Variants in DOCK1 observed in about 807,000 individuals in gnomAD.
DOCK1 encodes the protein dedicator of cytokinesis 1.
A neutral mutation model predicts 262.7 loss-of-function variants in DOCK1; 138 were observed. The ratio of observed to expected loss-of-function variants is 0.53; its 90% CI spans 0.46 to 0.61. The LOEUF is 0.61. DOCK1 is among the 20% of genes least tolerant of loss of function. The pLI is 0.00. For missense variants in DOCK1, 1,908 were observed against 2,370.7 expected, an observed-to-expected ratio of 0.80 and a Z score of 4.05; for synonymous variants, 866 against 867.4, an observed-to-expected ratio of 1.00 and a Z score of 0.03.
intron 27 of DOCK1, among the ~76,000 whole-genome samples, chr10:127,140,900 T>C (rs2051176103): frequency 6.6e-6 from 1 of 152,182 alleles, no homozygotes; most frequent in Admixed American, 6.5e-5. Flanking sequence ...CCCTCTGTAT[T>C]TGAGACAGCG....
chr10:127,364,390 C>T (rs554728669), intron 33 of DOCK1, among the ~76,000 whole-genome samples: 13 of 152,016 alleles, frequency 8.6e-5, no homozygotes, highest in East Asian at 3.9e-4. Context: ...TTTTTTGAGA[C>T]GGAGTCTCGC....
At chr10:126,933,793 T>G (rs942892711) in intron 1 of DOCK1, among the ~76,000 whole-genome samples, 1 of 152,194 alleles carries the variant, frequency 6.6e-6, no homozygotes, top group African/African-American at 2.4e-5. Flanking sequence ...TCCATTGATC[T>G]TATAATAGTG....
chr10:126,963,355 G>A (rs2037373214), intron 1 of DOCK1, among the ~76,000 whole-genome samples: 2 of 152,010 alleles, frequency 1.3e-5, no homozygotes. Context: ...GTTTGTTCAT[G>A]TCTTTTATTT....
chr10:127,137,619 C>G lies in DOCK1; in HGVS notation c.2847+9855C>G. ...TCATTTCAGATTTTACATCCCACAT[C>G]AGTGAACTGCAAAGAACAGCTGGCA... On this transcript the variant is annotated intron_variant, in intron 27 of 51. Coordinates refer to ENST00000623213, the MANE Select transcript of DOCK1 (RefSeq NM_001290223.2). The G allele has an allele frequency of 8.5e-6, 4 of 468,632 alleles. No individual in the cohort carries two copies. In the South Asian group the frequency reaches 2.0e-4, roughly 23 times the overall value. 29.0% of individuals were successfully genotyped at this position (468,632 alleles called of 1,614,324 possible). A position where few individuals can be genotyped will look rare whatever the true frequency, so the allele number is the denominator to read the frequency against.
chr10:127,448,744 A>G (rs2070758713), intron 51 of DOCK1, among the ~76,000 whole-genome samples: 1 of 152,054 alleles, frequency 6.6e-6, no homozygotes, highest in South Asian at 2.1e-4. Flanking sequence ...ACTCCTGTAG[A>G]ACATTGAAAA....
At position 127,100,294 on chromosome 10, in the gene DOCK1, G is replaced by T. The variant is rs566512973; in HGVS notation, c.2446-5937G>T. 5.1e-3 allele frequency among the ~76,000 whole-genome samples: 779 copies of T among 152,258 alleles called. 4 individuals are homozygous for T. The highest frequency in any genetic ancestry group is 8.0e-3 in the Non-Finnish European group (542 of 68,016). On this transcript the variant is annotated intron_variant, in intron 23 of 51. Coordinates refer to ENST00000623213, the MANE Select transcript of DOCK1 (RefSeq NM_001290223.2). The surrounding 1 kb of genome is among the most constrained non-coding windows in gnomAD (Gnocchi z 5.5). ...GCCCAGGTGCTGTTTGTTCCGGGGG[G>T]AGTTAACAGCCTGAACCGAGGGCTC...
chr10:127,048,091 C>T (rs1051248385), intron 21 of DOCK1, among the ~76,000 whole-genome samples: 5 of 152,202 alleles, frequency 3.3e-5, no homozygotes, highest in African/African-American at 4.8e-5. Context: ...TATTGCGAGA[C>T]AGTTCTCCAA....
At chr10:127,270,675 G>A (rs1014084505) in intron 29 of DOCK1, among the ~76,000 whole-genome samples, 1 of 152,060 alleles carries the variant, frequency 6.6e-6, no homozygotes, top group Non-Finnish European at 1.5e-5. Context: ...TTCAGCTTCT[G>A]TAGGAGCTGC....
At chr10:127,296,757 G>C (rs1485826338) in intron 29 of DOCK1, among the ~76,000 whole-genome samples, 1 of 152,190 alleles carries the variant, frequency 6.6e-6, no homozygotes, top group Non-Finnish European at 1.5e-5. Context: ...GTGGCTTTTT[G>C]TGGCATGCAT....
At chr10:126,939,850 C>CCT (rs2034856730) in intron 1 of DOCK1, among the ~76,000 whole-genome samples, 1 of 152,120 alleles carries the variant, frequency 6.6e-6, no homozygotes, top group African/African-American at 2.4e-5. Flanking sequence ...TATTTGGGTC[C>CCT]CTCTCTCGGC....
intron 38 of DOCK1, among the ~76,000 whole-genome samples, chr10:127,399,585 G>C (rs1443993836): frequency 6.6e-6 from 1 of 152,082 alleles, no homozygotes; most frequent in Non-Finnish European, 1.5e-5. Context: ...CTCATGACTT[G>C]TATTTCTTTT....
chr10:126,940,033 CAAG>C (rs1404505898), intron 1 of DOCK1, among the ~76,000 whole-genome samples: 7 of 152,104 alleles, frequency 4.6e-5, no homozygotes, highest in African/African-American at 1.7e-4. Flanking sequence ...GGAGGAGAAG[CAAG>C]AAGGAGAAGG....
chr10:127,186,674 T>C (rs934987072), intron 27 of DOCK1, among the ~76,000 whole-genome samples: 1 of 151,926 alleles, frequency 6.6e-6, no homozygotes, highest in African/African-American at 2.4e-5. Context: ...TCCTGTTCTT[T>C]AGACTGAGAA....
intron 38 of DOCK1, among the ~76,000 whole-genome samples, chr10:127,399,386 G>T (rs141498174): frequency 1.3e-5 from 2 of 152,086 alleles, no homozygotes; most frequent in Admixed American, 6.5e-5. Flanking sequence ...AGGTATTCAC[G>T]TTGGAAGTAT....
At chr10:127,029,307 A>G (rs767493522) in intron 16 of DOCK1, among the ~76,000 whole-genome samples, 8 of 152,194 alleles carry the variant, frequency 5.3e-5, no homozygotes, top group Non-Finnish European at 8.8e-5. Context: ...TGGGGCAGAA[A>G]CAGGTAGAAA....
chr10:127,023,349 C>G, intron 14 of DOCK1, 25 bp downstream of exon 14: 8 of 1,612,708 alleles, frequency 5.0e-6, no homozygotes, highest in Non-Finnish European at 6.8e-6. Flanking sequence ...GAGGGCTCAT[C>G]TGTAGTGTTT....
rs773745149 is a variant in DOCK1, at chr10:127,018,818, C to T, written c.1310C>T (p.Pro437Leu). Residue 437 changes from proline to leucine, a missense_variant, in exon 13 of 52, where the codon CCG (proline) becomes CTG (leucine). Physicochemically the swap from Pro to Leu is moderately conservative, Grantham distance 98. This residue lies in a region of DOCK1 where 294 missense variants were observed against 439.9 expected (regional missense o/e 0.67). Transcript: ENST00000623213. Reference sequence around the variant, plus strand: ...GCTGTGGCTCGAAAAACAGGGTTTCCGGAGATAATCATGCCTGGTAAGAAC... The same window carrying T: ...GCTGTGGCTCGAAAAACAGGGTTTCTGGAGATAATCATGCCTGGTAAGAAC... Reference protein sequence around the residue: ...TTAVARKTGFPEIIMPGDVRN... With the variant: ...TTAVARKTGFLEIIMPGDVRN... 29 of 1,613,716 alleles carry T rather than the reference C, an allele frequency of 1.8e-5. No homozygotes were observed. The highest frequency in any genetic ancestry group is 3.3e-5 in the South Asian group (3 of 91,056).
chr10:127,364,525 C>G (rs2064789121), intron 33 of DOCK1, among the ~76,000 whole-genome samples: 1 of 152,178 alleles, frequency 6.6e-6, no homozygotes, highest in African/African-American at 2.4e-5. Flanking sequence ...GCCACCACGC[C>G]TGGCTAATTT....
chr10:127,415,471 A>G (rs1313522935), intron 44 of DOCK1, among the ~76,000 whole-genome samples: 1 of 152,252 alleles, frequency 6.6e-6, no homozygotes, highest in Non-Finnish European at 1.5e-5. Context: ...TCAAAAAACC[A>G]GAATGAAGAT....
Sources: allele counts gnomAD v4.1 joint callset (sites outside exome capture counted in the v4.1 genomes callset), GRCh38; gene constraint gnomAD v4.1.1; regional missense constraint gnomAD v4.1.1; non-coding constraint Gnocchi (gnomAD v3.1); transcripts MANE v1.5; gene names NCBI Gene and HGNC (gene_info 2026-07-23, HGNC 2026-07-21).